Variants in UHRF1 observed in about 807,000 individuals in gnomAD.
The protein encoded by UHRF1 is ubiquitin like with PHD and ring finger domains 1.
UHRF1 carries 9 observed loss-of-function variants against 96.5 expected under a neutral mutation model. That is an observed-to-expected ratio of 0.09 (90% CI 0.06 to 0.16). UHRF1 has a LOEUF of 0.16. Among genes scored for constraint, UHRF1 ranks in the 10% least tolerant of loss-of-function variants. UHRF1 has a pLI of 1.00. For synonymous variants in UHRF1, 455 were observed against 469.9 expected, an observed-to-expected ratio of 0.97 and a Z score of 0.41; for missense variants, 626 against 1,131.1, an observed-to-expected ratio of 0.55 and a Z score of 6.40.
chr19:4,960,629 C>T, intron 16 of UHRF1, 28 bp from the exon 17 acceptor site: 1 of 1,609,088 alleles, frequency 6.2e-7, no homozygotes, highest in Non-Finnish European at 8.5e-7. Context: ...GTGGATGGCA[C>T]TTCTCACGCG....
Position 4,930,016 on chromosome 19 carries a change from C to T in UHRF1, c.408+540C>T, listed in dbSNP as rs1239591006. On this transcript the variant is annotated intron_variant, in intron 3 of 16. Transcript: ENST00000650932. This position sits in a 1 kb window ranked among gnomAD's most constrained non-coding sequence, Gnocchi z 4.4. ...TTAATACATGGTCTCATTCTGTCGC[C>T]CAGGCTGGAGTACAGTGGTGCCATC... Among the ~76,000 whole-genome samples, 1 of 151,956 alleles carries T rather than the reference C, an allele frequency of 6.6e-6. No individual in the cohort carries two copies. The highest frequency in any genetic ancestry group is 1.5e-5 in the Non-Finnish European group (1 of 68,024).
chr19:4,907,139 T>G (rs555882918), upstream of UHRF1, among the ~76,000 whole-genome samples: 2 of 152,342 alleles, frequency 1.3e-5, no homozygotes, highest in Admixed American at 6.5e-5. Context: ...TGATAGAGCC[T>G]TGCTCTGTCA....
At chr19:4,907,996 G>A (rs2032104908), upstream of UHRF1, among the ~76,000 whole-genome samples, 2 of 152,212 alleles carry the variant, frequency 1.3e-5, no homozygotes, top group Admixed American at 6.5e-5. Context: ...ACAGGTGTGA[G>A]CCAACGCGCC....
At chr19:4,959,962 G>C (rs2033948698) in intron 16 of UHRF1, among the ~76,000 whole-genome samples, 1 of 152,246 alleles carries the variant, frequency 6.6e-6, no homozygotes, top group Non-Finnish European at 1.5e-5. Flanking sequence ...CCGGGTTCAA[G>C]CCATTCTCTT....
chr19:4,932,970 C>T lies in UHRF1; in HGVS notation c.785+14C>T, dbSNP rs1281268931. 3 of 1,591,404 alleles carry T rather than the reference C, an allele frequency of 1.9e-6. No individual in the cohort carries two copies. The highest frequency in any genetic ancestry group is 1.8e-5 in the Admixed American group (1 of 56,552). On this transcript the variant is annotated intron_variant, in intron 5 of 16. Coordinates refer to ENST00000650932, the MANE Select transcript of UHRF1 (RefSeq NM_001048201.3). ...CGTGGTGCTGGGGTGAGCCTCGCGT[C>T]CTGGGGCGAGCCCTTCCTCTCTCCT...
intron 3 of UHRF1, 83 bp downstream of exon 3, chr19:4,929,559 G>A: frequency 6.5e-7 from 1 of 1,532,080 alleles, no homozygotes; most frequent in Non-Finnish European, 8.8e-7. Context: ...CTCACAGGAG[G>A]GGCTTCCCAC....
At chr19:4,935,056 C>T (rs1482297208) in intron 5 of UHRF1, among the ~76,000 whole-genome samples, 1 of 152,078 alleles carries the variant, frequency 6.6e-6, no homozygotes, top group Non-Finnish European at 1.5e-5. Context: ...TTACTGCAAC[C>T]TCCACCTCCC....
chr19:4,948,122 C>T (rs1216748415), intron 11 of UHRF1, among the ~76,000 whole-genome samples: 1 of 139,402 alleles, frequency 7.2e-6, no homozygotes, highest in Non-Finnish European at 1.6e-5. Context: ...AAAAAAAAAC[C>T]CCTCCAAAAT....
At chr19:4,955,729 T>A in intron 15 of UHRF1, among the ~76,000 whole-genome samples, 1 of 151,912 alleles carries the variant, frequency 6.6e-6, no homozygotes, top group Non-Finnish European at 1.5e-5. Context: ...AGGAGGTGTC[T>A]TTCGAGTCAT....
rs869250736 is a variant in UHRF1 at position 4,941,085 on chromosome 19, G to GTTTTTT, written c.786-425_786-420dup. Among the ~76,000 whole-genome samples the GTTTTTT allele has an allele frequency of 3.1e-3, 156 of 50,056 alleles. 2 individuals are homozygous for GTTTTTT. Among genetic ancestry groups the GTTTTTT allele is most frequent in the East Asian group, 0.012 (18 of 1,562 alleles). 32.8% of individuals were successfully genotyped at this position (50,056 alleles called of 152,430 possible). A position where few individuals can be genotyped will look rare whatever the true frequency, so the allele number is the denominator to read the frequency against. On this transcript the variant is annotated intron_variant, in intron 5 of 16. Coordinates refer to ENST00000650932, the MANE Select transcript of UHRF1 (RefSeq NM_001048201.3). ...AATGAAACTCTGGTTTCTGTGTTTT[G>GTTTTTT]TTTTTTTTTTTTTTTTTTTTTTTGA...
At chr19:4,947,488 A>ACCTTTTTTT (rs2033600635) in intron 11 of UHRF1, among the ~76,000 whole-genome samples, 2 of 70,430 alleles carry the variant, frequency 2.8e-5, no homozygotes, top group African/African-American at 1.1e-4. Context: ...GATAATAGAT[A>ACCTTTTTTT]TCTTTTTTTT....
chr19:4,939,835 A>T (rs2602720), intron 5 of UHRF1, among the ~76,000 whole-genome samples: 79,158 of 151,924 alleles, frequency 0.52, 23,784 homozygotes, highest in African/African-American at 0.83. Context: ...CCATCCTGGC[A>T]AACACGGTGA....
At chr19:4,910,832 G>A (rs762211991) in intron 1 of UHRF1, 44 bp from the exon 2 acceptor site, 5 of 1,560,828 alleles carry the variant, frequency 3.2e-6, no homozygotes, top group Non-Finnish European at 4.4e-6. Flanking sequence ...TGGCTCAGAG[G>A]TGCTGGTAAA....
rs746252042 is a variant in UHRF1, at chr19:4,930,890, G to A, written c.569+14G>A. 5.6e-6 allele frequency: 9 copies of A among 1,613,390 alleles called. No homozygotes were observed. In the African/African-American group the frequency reaches 1.2e-4, roughly 22 times the overall value. ...GAAATACGACGAGTGAGTCATGGCA[G>A]GTGGGCGGGCCTGGGTATTCAGGCT... On this transcript the variant is annotated intron_variant, in intron 4 of 16. Transcript: ENST00000650932. The surrounding 1 kb of genome is among the most constrained non-coding windows in gnomAD (Gnocchi z 4.4).
rs17880483 is a variant in UHRF1, at chr19:4,944,975, G to A, written c.1305+525G>A. On this transcript the variant is annotated intron_variant, in intron 9 of 16. Transcript: ENST00000650932. ...CTCCCAAGTCATGACAACCAGAAAC[G>A]TCTGCAGACATGAGTGTCCCCTTGG... Among the ~76,000 whole-genome samples the A allele has an allele frequency of 6.7e-3, 1,027 of 152,296 alleles. 9 individuals carry two copies. Among genetic ancestry groups the A allele is most frequent in the South Asian group, 0.029 (138 of 4,828 alleles).
At chr19:4,903,842 T>C (rs2032001309) in intron 1 of UHRF1, among the ~76,000 whole-genome samples, 1 of 152,134 alleles carries the variant, frequency 6.6e-6, no homozygotes, top group African/African-American at 2.4e-5. Context: ...TCTACATTTA[T>C]ATTGGTCTAT....
In UHRF1 at chr19:4,954,843, C is replaced by T. The variant is rs376937920; in HGVS notation, c.2130+21C>T. ...GCCCGGTAGGCTCGCACGGCTCACT[C>T]GTCGCCCTGATTTGCGTTGACTGCG... On this transcript the variant is annotated intron_variant, in intron 15 of 16. Transcript: ENST00000650932. This position sits in a 1 kb window ranked among gnomAD's most constrained non-coding sequence, Gnocchi z 5.9. The T allele has an allele frequency of 1.3e-5, 21 of 1,609,050 alleles. No individual in the cohort carries two copies. The highest frequency in any genetic ancestry group is 8.0e-5 in the African/African-American group (6 of 74,728).
chr19:4,929,827 G>T (rs1234120280), intron 3 of UHRF1, among the ~76,000 whole-genome samples: 1 of 151,380 alleles, frequency 6.6e-6, no homozygotes, highest in Non-Finnish European at 1.5e-5. Context: ...TTTTGGCAGG[G>T]TCTCACTTTG....
chr19:4,960,533 T>C, intron 16 of UHRF1, 124 bp from the exon 17 acceptor site: 1 of 1,373,854 alleles, frequency 7.3e-7, no homozygotes, highest in East Asian at 2.5e-5. Flanking sequence ...AGGTGGAAAG[T>C]GAGACTGAAG....
Sources: gnomAD v4.1 joint callset for allele counts (sites outside exome capture counted in the v4.1 genomes callset) on GRCh38, gnomAD v4.1.1 for gene constraint, Gnocchi (gnomAD v3.1) non-coding constraint, MANE v1.5 for transcripts, NCBI Gene and HGNC (gene_info 2026-07-23, HGNC 2026-07-21) for gene names.